The following CHRNA3 variants were observed in gnomAD, a reference collection of about 807,000 sequenced individuals.
CHRNA3 encodes neuronal acetylcholine receptor subunit alpha-3.
CHRNA3 carries 34 observed loss-of-function variants against 41.9 expected under a neutral mutation model. The observed-to-expected ratio is 0.81, with a 90% CI of 0.62 to 1.08. CHRNA3 has a LOEUF of 1.08. Among genes scored for constraint, CHRNA3 ranks in the 50% least tolerant of loss-of-function variants. The pLI, the probability that CHRNA3 is intolerant of heterozygous loss-of-function variation, is 0.00. For missense variants in CHRNA3, 542 were observed against 638.3 expected (o/e 0.85, Z 1.63); for synonymous variants, 281 against 265.2 (o/e 1.06, Z -0.58).
At chr15:78,620,625 G>A in intron 1 of CHRNA3, 88 bp downstream of exon 1, 2 of 1,437,258 alleles carry the variant, frequency 1.4e-6, no homozygotes, top group Admixed American at 2.8e-5. Flanking sequence ...CCGCTCGCCC[G>A]CGCGGTGTTC....
chr15:78,601,526 G>C lies in CHRNA3; in HGVS notation c.1116C>G (p.Leu372=). The C allele has an allele frequency of 1.2e-6, 2 of 1,614,206 alleles. No homozygotes were observed. The highest frequency in any genetic ancestry group is 1.7e-6 in the Non-Finnish European group (2 of 1,180,044). The change falls in exon 5 of 6, where the codon CTC becomes CTG. Residue 372 remains leucine (L), a synonymous_variant. Coordinates refer to ENST00000326828, the MANE Select transcript of CHRNA3 (RefSeq NM_000743.5). ...NEGNAQKPRP[L]YGAELSNLNC... ...TCAGATTTGAGAGCTCGGCACCGTA[G>C]AGGGGCCTCGGCTTCTGAGCGTTGC...
At position 78,596,744 on chromosome 15, in the gene CHRNA3, A is replaced by AATG; in HGVS notation, c.1390-15_1390-13dup. 7.5e-6 allele frequency: 12 copies of AATG among 1,592,760 alleles called. No individual in the cohort carries two copies. Among genetic ancestry groups the AATG allele is most frequent in the South Asian group, 1.2e-5 (1 of 86,510 alleles). ...CAATCATCTTGAATCTGCAAAACAA[A>AATG]ATGATAAAAGAAAAAAAACATGGAG... On this transcript the variant is annotated splice_polypyrimidine_tract_variant and intron_variant, in intron 5 of 5. Transcript: ENST00000326828.
intron 4 of CHRNA3, among the ~76,000 whole-genome samples, chr15:78,610,103 C>A (rs1026870441): frequency 7.9e-5 from 12 of 152,148 alleles, no homozygotes; most frequent in Non-Finnish European, 1.8e-4. Context: ...TACAAAGAGA[C>A]TTAGACTCCC....
chr15:78,619,862 A>C (rs4352017), intron 1 of CHRNA3: 91,841 of 151,566 alleles, frequency 0.61, 28,039 homozygotes, highest in Middle Eastern at 0.75. Context: ...CCTGCTCCCC[A>C]CTCTCCTTCC....
chr15:78,618,876 C>A lies in CHRNA3; in HGVS notation c.122G>T (p.Arg41Leu), dbSNP rs776209615. The A allele has an allele frequency of 1.9e-6, 3 of 1,613,868 alleles. No individual in the cohort carries two copies. Among genetic ancestry groups the A allele is most frequent in the Middle Eastern group, 1.7e-4 (1 of 6,012 alleles). ...GATCTCATTGTAATCTTCAAACAGC[C>A]GCTCAAATAGACGGTGCTCAGCCTC... is the stretch of plus-strand genomic sequence containing the variant. ...ASEAEHRLFE[R>L]LFEDYNEIIR... is the part of the protein sequence containing the mutation. Residue 41 changes from arginine (R) to leucine (L), a missense_variant, in exon 2 of 6, where the codon CGG (arginine) becomes CTG (leucine). Coordinates refer to ENST00000326828, the MANE Select transcript of CHRNA3 (RefSeq NM_000743.5).
In CHRNA3 at chr15:78,620,949, G is replaced by T; in HGVS notation, c.-155C>A. On this transcript the variant is annotated 5_prime_UTR_variant, in exon 1 of 6. Transcript: ENST00000326828. ...GCTCCTCTCCGCTTCGCCGCCGCTGGGTTTCCAGCGCCCTCGGACCCGCGG... is the reference window on the plus strand; with the variant it reads ...GCTCCTCTCCGCTTCGCCGCCGCTGTGTTTCCAGCGCCCTCGGACCCGCGG... 9.5e-7 allele frequency: 1 copy of T among 1,051,726 alleles called. No individual in the cohort carries two copies. Among genetic ancestry groups the T allele is most frequent in the Non-Finnish European group, 1.2e-6 (1 of 828,550 alleles). 65.1% of individuals were successfully genotyped at this position (1,051,726 alleles called of 1,614,324 possible).
chr15:78,594,868 C>G (rs2141315617), downstream of CHRNA3: 2 of 152,266 alleles, frequency 1.3e-5, no homozygotes, highest in East Asian at 3.9e-4. Context: ...TAGCCTATTA[C>G]TAGTACAGCG....
At chr15:78,610,134 TTCAACACCCCACTGTCAACATTAGACAGA>T (rs1478433829) in intron 4 of CHRNA3, among the ~76,000 whole-genome samples, 1 of 152,158 alleles carries the variant, frequency 6.6e-6, no homozygotes, top group Admixed American at 6.5e-5. Flanking sequence ...AATGGGAGAC[TTCAACACCCCACTGTCAACATTAGACAGA>T]TCAACAAGAC....
intron 4 of CHRNA3, among the ~76,000 whole-genome samples, chr15:78,614,015 TAGG>T (rs1256894225): frequency 2.0e-5 from 3 of 152,178 alleles, no homozygotes; most frequent in South Asian, 4.1e-4. Context: ...AAGTTCTAAC[TAGG>T]AGAAGAGAGA....
chr15:78,608,419 T>C (rs1474624277), intron 4 of CHRNA3, among the ~76,000 whole-genome samples: 1 of 152,220 alleles, frequency 6.6e-6, no homozygotes, highest in African/African-American at 2.4e-5. Flanking sequence ...GATCCACTGT[T>C]CTACAGCCAC....
chr15:78,603,689 A>C, intron 4 of CHRNA3, among the ~76,000 whole-genome samples: 1 of 152,062 alleles, frequency 6.6e-6, no homozygotes, highest in Admixed American at 6.6e-5. Context: ...CTTCCTTGCT[A>C]GTCTCTCCTG....
intron 4 of CHRNA3, among the ~76,000 whole-genome samples, chr15:78,606,830 C>T (rs1369207684): frequency 1.3e-5 from 2 of 151,966 alleles, no homozygotes; most frequent in Admixed American, 6.6e-5. Flanking sequence ...ACCTGGGAGG[C>T]GGAGCTTGTA....
In CHRNA3 at chr15:78,618,648, T is replaced by A. The variant is rs1337332458; in HGVS notation, c.236A>T (p.Gln79Leu). 6.2e-7 allele frequency: 1 copy of A among 1,614,166 alleles called. No homozygotes were observed. Among genetic ancestry groups the A allele is most frequent in the East Asian group, 2.2e-5 (1 of 44,878 alleles). The change falls in exon 3 of 6, where the codon CAG becomes CTG. Residue 79 changes from glutamine to leucine, a missense_variant. Coordinates refer to ENST00000326828, the MANE Select transcript of CHRNA3 (RefSeq NM_000743.5). The stretch of plus-strand genomic sequence containing the variant: ...GAGCCACAGGTTGGTCTCCATGATC[T>A]GGTTTACTTCATCCTAGAAAGAGGA... ...SQLVKVDEVN[Q>L]IMETNLWLKQ...
In CHRNA3 at chr15:78,620,729, C is replaced by T. The variant is rs981895873; in HGVS notation, c.66G>A (p.Leu22=). The T allele has an allele frequency of 3.5e-6, 3 of 860,338 alleles. No homozygotes were observed. The highest frequency in any genetic ancestry group is 2.9e-6 in the Non-Finnish European group (2 of 695,754). The allele number at this position is 860,338 out of a possible 1,614,324, so 53.3% of individuals were successfully genotyped here. A position where few individuals can be genotyped will look rare whatever the true frequency, so the allele number is the denominator to read the frequency against. The change falls in exon 1 of 6, where the codon CTG becomes CTA. Residue 22 remains leucine (L), a synonymous_variant. Transcript: ENST00000326828. The stretch of plus-strand genomic sequence containing the variant: ...TGCGCGTACCTGGCAGCAGAGACAG[C>T]AGCAGCAGCAGCAGCAGCCGCGGCG... The part of the protein sequence containing the change: ...LSPPRLLLLL[L]LSLLPVARAS...
chr15:78,610,166 A>G (rs556855274), intron 4 of CHRNA3, among the ~76,000 whole-genome samples: 46 of 152,300 alleles, frequency 3.0e-4, no homozygotes, highest in Non-Finnish European at 5.7e-4. Context: ...TAGACAGATC[A>G]ACAAGACAAA....
At chr15:78,618,365 A>G in intron 3 of CHRNA3, 1 of 533,004 alleles carries the variant, frequency 1.9e-6, no homozygotes, top group Non-Finnish European at 3.4e-6. Context: ...GAACATGGAG[A>G]ATGTCTTTCT....
intron 3 of CHRNA3, among the ~76,000 whole-genome samples, chr15:78,617,566 G>T (rs2053482996): frequency 6.6e-6 from 1 of 152,172 alleles, no homozygotes; most frequent in Non-Finnish European, 1.5e-5. Flanking sequence ...ACTGGACTCT[G>T]AAAGATTCCG....
intron 5 of CHRNA3, among the ~76,000 whole-genome samples, chr15:78,598,545 T>G (rs962388713): frequency 6.6e-6 from 1 of 151,980 alleles, no homozygotes; most frequent in Non-Finnish European, 1.5e-5. Flanking sequence ...CAGGTGTGTG[T>G]CACTACACTT....
At chr15:78,618,990 A>C (rs1596086066) in intron 1 of CHRNA3, 75 bp from the exon 2 acceptor site, 1 of 1,509,682 alleles carries the variant, frequency 6.6e-7, no homozygotes, top group South Asian at 1.2e-5. Context: ...CAGAAACATC[A>C]CCCATCTACA....
Sources: allele counts gnomAD v4.1 joint callset (sites outside exome capture counted in the v4.1 genomes callset), GRCh38; gene constraint gnomAD v4.1.1; transcripts MANE v1.5; gene names NCBI Gene and HGNC (gene_info 2026-07-23, HGNC 2026-07-21).